Variants in AFP observed in about 807,000 individuals in gnomAD.
AFP encodes the protein alpha-fetoprotein.
A neutral mutation model predicts 78.9 loss-of-function variants in AFP; 64 were observed. The ratio of observed to expected loss-of-function variants is 0.81; its 90% confidence interval spans 0.66 to 1.00. The LOEUF (loss-of-function observed/expected upper bound fraction) is 1.00. Ranked by LOEUF, AFP falls within the 50% of genes least tolerant of loss-of-function variation. The pLI is 0.00. For synonymous variants in AFP, 254 were observed against 243.8 expected, an observed-to-expected ratio of 1.04 and a Z score of -0.39; for missense variants, 689 against 703.8, an observed-to-expected ratio of 0.98 and a Z score of 0.24.
chr4:73,451,669 A>C (rs1719997005), intron 11 of AFP, among the ~76,000 whole-genome samples: 1 of 152,220 alleles, frequency 6.6e-6, no homozygotes, highest in Non-Finnish European at 1.5e-5. Context: ...CACAGTGGGA[A>C]AGCAACTTAT....
chr4:73,446,377 G>A (rs1453599653), intron 7 of AFP, among the ~76,000 whole-genome samples: 17 of 152,102 alleles, frequency 1.1e-4, no homozygotes. Context: ...TTCCTTTAAA[G>A]TGGAAACATT....
rs752678095 is a variant in AFP at position 73,450,886 on chromosome 4, C to A, written c.1428+133C>A. 10 of 1,442,862 alleles carry A rather than the reference C, an allele frequency of 6.9e-6. No individual in the cohort carries two copies. The East Asian group carries it at 2.1e-4, about 30-fold the overall frequency. 89.4% of individuals were successfully genotyped at this position (1,442,862 alleles called of 1,614,324 possible). ...CTTAGGAGGCTTGTTTGATTAGTCACGGTTGGAGGGGTGTGAGAACCCAGC... is the reference window on the plus strand; with the variant it reads ...CTTAGGAGGCTTGTTTGATTAGTCAAGGTTGGAGGGGTGTGAGAACCCAGC... On this transcript the variant is annotated intron_variant, in intron 11 of 14. Transcript: ENST00000395792.
chr4:73,443,018 A>G (rs1000432916), intron 5 of AFP, among the ~76,000 whole-genome samples: 3 of 152,176 alleles, frequency 2.0e-5, no homozygotes, highest in Non-Finnish European at 4.4e-5. Flanking sequence ...TTTGTAACTG[A>G]GAAGACACTT....
At chr4:73,440,122 G>A (rs577348422) in intron 3 of AFP, among the ~76,000 whole-genome samples, 5 of 152,114 alleles carry the variant, frequency 3.3e-5, no homozygotes, top group Non-Finnish European at 5.9e-5. Context: ...AGGTAAACAC[G>A]TGGCATGGTG....
Position 73,442,297 on chromosome 4 carries a change from T to C in AFP, c.484T>C (p.Phe162Leu). Reference sequence around the variant, plus strand: ...TTCTAGCTCTATTTTATTTCACAGATTCATTTATGAGATAGCAAGAAGGCA... The same window carrying C: ...TTCTAGCTCTATTTTATTTCACAGACTCATTTATGAGATAGCAAGAAGGCA... ...EEDRETFMNK[F>L]IYEIARRHPF... Residue 162 changes from phenylalanine (F) to leucine (L), a missense_variant and splice_region_variant, in exon 5 of 15, where the codon TTC becomes CTC. Transcript: ENST00000395792. 6.2e-7 allele frequency: 1 copy of C among 1,613,472 alleles called. No individual in the cohort carries two copies.
chr4:73,455,423 AAAACACTTGAACAAAATTACGCACAC>A (rs1021620343), intron 14 of AFP, 133 bp downstream of exon 14: 1 of 768,294 alleles, frequency 1.3e-6, no homozygotes, highest in African/African-American at 1.8e-5. Flanking sequence ...GTTTATTTTA[AAAACACTTGAACAAAATTACGCACAC>A]AATGTTAAAT....
intron 4 of AFP, among the ~76,000 whole-genome samples, chr4:73,441,888 A>G (rs1201363649): frequency 6.6e-6 from 1 of 152,212 alleles, no homozygotes; most frequent in Non-Finnish European, 1.5e-5. Context: ...GCGACTATCC[A>G]GGTGCATAAC....
Position 73,455,301 on chromosome 4 carries a change from A to G in AFP, c.*10+11A>G. On this transcript the variant is annotated intron_variant, in intron 14 of 14. Transcript: ENST00000395792. ...TTTAAATTACTTCAGGTAACAAAACATTCAGACAAGCCTGAATACAATGTT... is the reference window on the plus strand; with the variant it reads ...TTTAAATTACTTCAGGTAACAAAACGTTCAGACAAGCCTGAATACAATGTT... The G allele has an allele frequency of 6.2e-7, 1 of 1,604,452 alleles. No homozygotes were observed. Among genetic ancestry groups the G allele is most frequent in the East Asian group, 2.2e-5 (1 of 44,730 alleles).
intron 12 of AFP, among the ~76,000 whole-genome samples, chr4:73,453,079 C>T (rs1252595680): frequency 1.3e-5 from 2 of 152,108 alleles, no homozygotes; most frequent in Admixed American, 6.6e-5. Context: ...ATGTACATTT[C>T]AGTTCATTGT....
intron 6 of AFP, 126 bp downstream of exon 6, chr4:73,443,570 G>A (rs1284252438): frequency 1.4e-6 from 1 of 715,640 alleles, no homozygotes; most frequent in Non-Finnish European, 2.5e-6. Flanking sequence ...CCTTTGATGA[G>A]GGCTAATGGG....
intron 9 of AFP, 99 bp downstream of exon 9, chr4:73,449,566 GT>G: frequency 7.3e-7 from 1 of 1,367,822 alleles, no homozygotes; most frequent in Non-Finnish European, 1.0e-6. Context: ...TCAACTAGTT[GT>G]TAGCCAGTTA....
intron 3 of AFP, among the ~76,000 whole-genome samples, chr4:73,440,354 T>C (rs1209282144): frequency 6.6e-6 from 1 of 152,164 alleles, no homozygotes; most frequent in East Asian, 1.9e-4. Flanking sequence ...TAATTCAAAA[T>C]TGGGAAAGAG....
intron 6 of AFP, 66 bp downstream of exon 6, chr4:73,443,510 T>TC: frequency 7.7e-7 from 1 of 1,298,948 alleles, no homozygotes; most frequent in Non-Finnish European, 1.1e-6. Flanking sequence ...CAATTTGGGT[T>TC]CGTTTTTTTA....
rs1248711165 is a variant in AFP, at chr4:73,445,071, T to A, written c.792T>A (p.His264Gln). The part of the protein sequence containing the change: ...EIQKLVLDVA[H>Q]VHEHCCRGDV... ...AGAAACTAGTCCTGGATGTGGCCCATGTACATGAGCACTGTTGCAGAGGAG... is the reference window on the plus strand; with the variant it reads ...AGAAACTAGTCCTGGATGTGGCCCAAGTACATGAGCACTGTTGCAGAGGAG... Residue 264 changes from histidine (H) to glutamine (Q), a missense_variant, in exon 7 of 15, where the codon CAT (histidine) becomes CAA (glutamine). Transcript: ENST00000395792. 1 of 1,613,934 alleles carries A rather than the reference T, an allele frequency of 6.2e-7. No homozygotes were observed. Among genetic ancestry groups the A allele is most frequent in the Admixed American group, 1.7e-5 (1 of 59,998 alleles).
chr4:73,443,659 T>C (rs1188453622), intron 6 of AFP, among the ~76,000 whole-genome samples: 1 of 152,164 alleles, frequency 6.6e-6, no homozygotes, highest in East Asian at 1.9e-4. Context: ...CTAGCTGAGA[T>C]AATACATAGA....
intron 3 of AFP, among the ~76,000 whole-genome samples, chr4:73,439,447 T>C (rs1232836740): frequency 1.3e-5 from 2 of 152,168 alleles, no homozygotes; most frequent in African/African-American, 4.8e-5. Flanking sequence ...AAAATGTGTA[T>C]AAAAAAACAA....
chr4:73,444,899 C>T (rs1201803881), intron 6 of AFP, 94 bp from the exon 7 acceptor site: 11 of 1,126,328 alleles, frequency 9.8e-6, no homozygotes, highest in African/African-American at 1.6e-5. Context: ...AGTCATTTCT[C>T]TTTGAAACTT....
At chr4:73,454,893 A>T (rs531902500) in intron 13 of AFP, among the ~76,000 whole-genome samples, 2 of 152,282 alleles carry the variant, frequency 1.3e-5, no homozygotes, top group South Asian at 4.1e-4. Context: ...CTCTAATCTG[A>T]GAAGACATTT....
chr4:73,450,811 C>T (rs1719971368), intron 11 of AFP, 58 bp downstream of exon 11: 1 of 1,610,856 alleles, frequency 6.2e-7, no homozygotes, highest in African/African-American at 1.3e-5. Flanking sequence ...CTTGAAATAG[C>T]CTCATAATTC....
Sources: allele counts gnomAD v4.1 joint callset (sites outside exome capture counted in the v4.1 genomes callset), GRCh38; gene constraint gnomAD v4.1.1; transcripts MANE v1.5; gene names NCBI Gene and HGNC (gene_info 2026-07-23, HGNC 2026-07-21).